Variants in KLF12 observed in about 807,000 individuals in gnomAD.
KLF12 encodes KLF transcription factor 12.
KLF12 carries 9 observed loss-of-function variants against 37.8 expected under a neutral mutation model. That is an observed-to-expected ratio of 0.24 (90% CI 0.14 to 0.42). The LOEUF is 0.42. Among genes scored for constraint, KLF12 ranks in the 10% least tolerant of loss-of-function variants. The pLI is 1.00. For missense variants in KLF12, 411 were observed against 516.0 expected (o/e 0.80, Z 1.97); for synonymous variants, 208 against 202.1 (o/e 1.03, Z -0.25).
the KLF12 span, among the ~76,000 whole-genome samples, chr13:74,293,135 C>A: frequency 6.6e-6 from 1 of 152,124 alleles, no homozygotes; most frequent in Non-Finnish European, 1.5e-5. Context: ...TTTCAATTTA[C>A]CCATCACATT....
chr13:73,725,578 C>T (rs191379931), intron 6 of KLF12, among the ~76,000 whole-genome samples: 5 of 150,190 alleles, frequency 3.3e-5, no homozygotes, highest in Admixed American at 1.3e-4. Flanking sequence ...GATCAATAAG[C>T]TCATAATATC....
chr13:73,845,004 T>A (rs750112143), intron 4 of KLF12: 1 of 152,098 alleles, frequency 6.6e-6, no homozygotes, highest in Non-Finnish European at 1.5e-5. Context: ...GACAGCATGA[T>A]GCCACCGCAA....
intron 1 of KLF12, among the ~76,000 whole-genome samples, chr13:74,062,016 G>A (rs574358208): frequency 6.6e-6 from 1 of 152,266 alleles, no homozygotes; most frequent in Admixed American, 6.5e-5. Context: ...GAAGAAAAGT[G>A]CCAGCAGAGT....
At chr13:73,842,893 T>C (rs1884814391) in intron 4 of KLF12, among the ~76,000 whole-genome samples, 2 of 152,230 alleles carry the variant, frequency 1.3e-5, no homozygotes, top group Non-Finnish European at 1.5e-5. Flanking sequence ...TTATTCATTC[T>C]GTGAGGTAGG....
At chr13:74,079,323 T>C (rs1323645209) in intron 1 of KLF12, among the ~76,000 whole-genome samples, 1 of 152,164 alleles carries the variant, frequency 6.6e-6, no homozygotes, top group African/African-American at 2.4e-5. Context: ...TGCAAAACAA[T>C]GTGAATATAC....
intron 1 of KLF12, among the ~76,000 whole-genome samples, chr13:74,056,911 G>C (rs984823183): frequency 6.6e-6 from 1 of 152,164 alleles, no homozygotes. Context: ...GGAGTGAAAA[G>C]ACCTGGAGAA....
intron 6 of KLF12, among the ~76,000 whole-genome samples, chr13:73,724,112 T>C (rs1594009963): frequency 1.3e-5 from 2 of 152,296 alleles, no homozygotes; most frequent in Non-Finnish European, 1.5e-5. Context: ...TGCAGCTCTA[T>C]TTACAATAGC....
chr13:74,260,704 C>T, the KLF12 span, among the ~76,000 whole-genome samples: 1 of 150,640 alleles, frequency 6.6e-6, no homozygotes, highest in Non-Finnish European at 1.5e-5. Flanking sequence ...AAAATAGGTC[C>T]TGTGATTTGG....
intron 1 of KLF12, among the ~76,000 whole-genome samples, chr13:73,995,614 A>G (rs1016383428): frequency 5.3e-5 from 8 of 152,236 alleles, no homozygotes; most frequent in African/African-American, 1.9e-4. Flanking sequence ...TAACTTTAAA[A>G]AAATGATCTA....
intron 3 of KLF12, among the ~76,000 whole-genome samples, chr13:73,861,371 G>A (rs1432174627): frequency 6.6e-6 from 1 of 152,132 alleles, no homozygotes; most frequent in East Asian, 1.9e-4. Flanking sequence ...CTCTACAACT[G>A]CCTTTCTCCT....
chr13:74,143,604 C>T, the KLF12 span, among the ~76,000 whole-genome samples: 1 of 152,150 alleles, frequency 6.6e-6, no homozygotes, highest in Admixed American at 6.6e-5. Context: ...TTGCAAGTTG[C>T]AAAACTCACA....
intron 6 of KLF12, among the ~76,000 whole-genome samples, chr13:73,757,493 A>G (rs1047937765): frequency 5.3e-5 from 8 of 152,196 alleles, no homozygotes; most frequent in African/African-American, 1.9e-4. Context: ...CTGGTGGTCA[A>G]CTGAGAAAAA....
chr13:73,763,160 G>A lies in KLF12; in HGVS notation c.869+1778C>T, dbSNP rs149514881. 3.5e-4 allele frequency among the ~76,000 whole-genome samples: 54 copies of A among 152,162 alleles called. No homozygotes were observed. In the East Asian group the frequency reaches 9.7e-3, roughly 27 times the overall value. ...TCCTTTATATTCCACCCCCTCCCAA[G>A]TATGAACTCTCAAATTAGTCTTAAA... On this transcript the variant is annotated intron_variant, in intron 6 of 7. Transcript: ENST00000377669.
chr13:73,758,144 C>A (rs769366820), intron 6 of KLF12, among the ~76,000 whole-genome samples: 11 of 151,984 alleles, frequency 7.2e-5, no homozygotes, highest in Non-Finnish European at 1.3e-4. Context: ...AAGGGATCCT[C>A]CTGCCTCAGT....
chr13:74,112,116 T>C (rs1372322440), intron 1 of KLF12, among the ~76,000 whole-genome samples: 3 of 152,176 alleles, frequency 2.0e-5, no homozygotes, highest in African/African-American at 2.4e-5. Context: ...AACAGAGCCA[T>C]GGCCTGTTTT....
chr13:73,895,668 G>C lies in KLF12; in HGVS notation c.123+48313C>G, dbSNP rs189230189. Among the ~76,000 whole-genome samples the C allele has an allele frequency of 2.0e-5, 3 of 152,178 alleles. No homozygotes were observed. In the East Asian group the frequency reaches 5.8e-4, roughly 29 times the overall value. ...AGGAGGAAGGTCAAGGATACATCAG[G>C]GAGAAATGAGTGACAGGGAGCAATA... On this transcript the variant is annotated intron_variant, in intron 3 of 7. Coordinates refer to ENST00000377669, the MANE Select transcript of KLF12 (RefSeq NM_007249.5).
the KLF12 span, among the ~76,000 whole-genome samples, chr13:74,182,641 G>T: frequency 6.6e-6 from 1 of 152,174 alleles, no homozygotes; most frequent in South Asian, 2.1e-4. Flanking sequence ...GAAGAAAGAA[G>T]AGCAATCCTA....
the KLF12 span, among the ~76,000 whole-genome samples, chr13:74,146,565 T>C: frequency 6.6e-6 from 1 of 152,226 alleles, no homozygotes; most frequent in Non-Finnish European, 1.5e-5. Flanking sequence ...TCTATCTGTC[T>C]AATATGTTTT....
the KLF12 span, among the ~76,000 whole-genome samples, chr13:74,193,066 G>T: frequency 6.7e-5 from 10 of 149,924 alleles, no homozygotes; most frequent in African/African-American, 2.5e-4. Flanking sequence ...GCAACCTGCG[G>T]TTCCCGGGTT....
Sources: allele counts gnomAD v4.1 joint callset (sites outside exome capture counted in the v4.1 genomes callset), GRCh38; gene constraint gnomAD v4.1.1; transcripts MANE v1.5; gene names NCBI Gene and HGNC (gene_info 2026-07-23, HGNC 2026-07-21).